The following CCNH variants were observed in gnomAD, a reference collection of about 807,000 sequenced individuals.
The protein encoded by CCNH is cyclin H.
In CCNH, 31 loss-of-function variants were observed where a neutral mutation model predicts 41.9. The ratio of observed to expected loss-of-function variants is 0.74; its 90% CI spans 0.56 to 1.00. The LOEUF (loss-of-function observed/expected upper bound fraction) is 1.00. Ranked by LOEUF, CCNH falls within the 50% of genes least tolerant of loss-of-function variation. The pLI, the probability that CCNH is intolerant of heterozygous loss-of-function variation, is 0.00. For missense variants in CCNH, 362 were observed against 388.4 expected, an observed-to-expected ratio of 0.93 and a Z score of 0.57; for synonymous variants, 138 against 136.1, an observed-to-expected ratio of 1.01 and a Z score of -0.10.
At chr5:87,373,764 CAGA>C (rs1580379296), downstream of CCNH, among the ~76,000 whole-genome samples, 1 of 152,020 alleles carries the variant, frequency 6.6e-6, no homozygotes, top group East Asian at 1.9e-4. Context: ...TAGAATCTTC[CAGA>C]TAAGTATTAT....
chr5:87,326,262 C>T (rs1038716089), intron 9 of CCNH, among the ~76,000 whole-genome samples: 3 of 152,122 alleles, frequency 2.0e-5, no homozygotes, highest in Non-Finnish European at 4.4e-5. Flanking sequence ...GGAGCTACTG[C>T]GCCTGGCCAC....
chr5:87,350,720 A>T (rs531969537), intron 9 of CCNH, among the ~76,000 whole-genome samples: 3 of 145,164 alleles, frequency 2.1e-5, no homozygotes, highest in South Asian at 2.2e-4. Context: ...AATGAGGATT[A>T]AAAAAAAAAA....
chr5:87,318,822 T>A (rs1291195497), exon 10 of CCNH: 1 of 152,156 alleles, frequency 6.6e-6, no homozygotes. Flanking sequence ...TCCCCCAAAG[T>A]CTTAACTCCT....
At chr5:87,394,796 T>G (rs1358971188) in intron 8 of CCNH, 18 of 1,342,108 alleles carry the variant, frequency 1.3e-5, no homozygotes, top group African/African-American at 1.5e-5. Flanking sequence ...AAAGCAAAAA[T>G]GTAGTATGTA....
At chr5:87,335,419 GTTTTTTTT>G (rs34986349) in intron 9 of CCNH, among the ~76,000 whole-genome samples, 4 of 72,888 alleles carry the variant, frequency 5.5e-5, no homozygotes, top group Admixed American at 1.9e-4. Flanking sequence ...AAAGAATGAG[GTTTTTTTT>G]TTTTTTTTTT....
chr5:87,376,349 C>T (rs770652055), exon 1 of CCNH: 23 of 1,602,854 alleles, frequency 1.4e-5, no homozygotes, highest in Middle Eastern at 1.7e-4. Context: ...GACTAATTAT[C>T]GTGTTCTCTT....
chr5:87,357,237 A>AAT (rs978992549), intron 9 of CCNH, among the ~76,000 whole-genome samples: 2 of 151,832 alleles, frequency 1.3e-5, no homozygotes, highest in African/African-American at 2.4e-5. Flanking sequence ...CACATATATA[A>AAT]ATATATATAT....
At chr5:87,399,312 C>G (rs1763210801) in intron 7 of CCNH, 82 bp downstream of exon 7, 1 of 994,500 alleles carries the variant, frequency 1.0e-6, no homozygotes, top group East Asian at 2.4e-5. Context: ...CTCTAATGAG[C>G]AAACACCAAT....
downstream of CCNH, among the ~76,000 whole-genome samples, chr5:87,316,859 A>C (rs1315819444): frequency 6.6e-6 from 1 of 151,598 alleles, no homozygotes; most frequent in African/African-American, 2.4e-5. Flanking sequence ...GGGAAAAGTC[A>C]CCTGACTCTG....
At chr5:87,337,385 A>G (rs1399099545) in intron 9 of CCNH, among the ~76,000 whole-genome samples, 4 of 152,046 alleles carry the variant, frequency 2.6e-5, no homozygotes, top group Non-Finnish European at 5.9e-5. Context: ...ACTTTCAGAG[A>G]AAGAATGCTG....
chr5:87,386,713 G>A (rs1762086298), downstream of CCNH: 4 of 842,046 alleles, frequency 4.8e-6, no homozygotes, highest in East Asian at 2.5e-5. Flanking sequence ...TATTAATTTG[G>A]TGCAATAGTA....
intron 9 of CCNH, among the ~76,000 whole-genome samples, chr5:87,366,700 A>G (rs1330112131): frequency 6.6e-6 from 1 of 152,226 alleles, no homozygotes; most frequent in Non-Finnish European, 1.5e-5. Flanking sequence ...AGTTATGTTC[A>G]TGAGAACTAA....
chr5:87,396,406 C>T (rs189603126), intron 7 of CCNH, among the ~76,000 whole-genome samples: 43 of 152,074 alleles, frequency 2.8e-4, no homozygotes, highest in African/African-American at 9.9e-4. Context: ...CGGATCACGA[C>T]GTCAGGAGCT....
At chr5:87,398,273 G>A (rs552237837) in intron 7 of CCNH, among the ~76,000 whole-genome samples, 7 of 152,292 alleles carry the variant, frequency 4.6e-5, no homozygotes, top group East Asian at 1.9e-4. Flanking sequence ...GTATAGGTAA[G>A]GAATTTGAGT....
rs762386089 is a variant in CCNH, at chr5:87,363,517, T to A, written c.*90+29253A>T. ...GTCTCTTTGGCAGGTAAGAGACTGG[T>A]TTCCTATTTTTCTTTCGGAATTGTC... On this transcript the variant is annotated intron_variant and NMD_transcript_variant, in intron 9 of 9. Transcript: ENST00000645953. The A allele has an allele frequency of 2.5e-6, 4 of 1,606,600 alleles. No individual in the cohort carries two copies. The Admixed American group carries it at 6.7e-5, about 27-fold the overall frequency.
intron 7 of CCNH, among the ~76,000 whole-genome samples, chr5:87,396,126 A>G (rs928939541): frequency 6.6e-6 from 1 of 152,218 alleles, no homozygotes; most frequent in South Asian, 2.1e-4. Flanking sequence ...AACTATTTAC[A>G]TAACATTTAC....
intron 9 of CCNH, among the ~76,000 whole-genome samples, chr5:87,347,434 T>C (rs965857450): frequency 6.6e-6 from 1 of 152,030 alleles, no homozygotes; most frequent in East Asian, 1.9e-4. Context: ...ATACCGAGCA[T>C]TTCTTTGGCA....
chr5:87,362,136 T>A (rs1760151537), intron 9 of CCNH, among the ~76,000 whole-genome samples: 1 of 152,224 alleles, frequency 6.6e-6, no homozygotes, highest in Non-Finnish European at 1.5e-5. Flanking sequence ...TCACCTAGCA[T>A]TTCTCACAGA....
downstream of CCNH, chr5:87,390,815 C>T (rs1762460105): frequency 1.2e-6 from 2 of 1,612,846 alleles, no homozygotes; most frequent in Non-Finnish European, 1.7e-6. Flanking sequence ...ATTGAAAAAG[C>T]TTCTGGCTAT....
Sources: allele counts gnomAD v4.1 joint callset (sites outside exome capture counted in the v4.1 genomes callset), GRCh38; gene constraint gnomAD v4.1.1; transcripts MANE v1.5; gene names NCBI Gene and HGNC (gene_info 2026-07-23, HGNC 2026-07-21).